TRHDE: variants seen among roughly 807,000 people sequenced by gnomAD.
TRHDE encodes the protein thyrotropin-releasing hormone-degrading ectoenzyme.
Under a neutral mutation model 125.7 loss-of-function variants are expected in TRHDE, and 72 were observed. The observed-to-expected ratio is 0.57, with a 90% CI of 0.47 to 0.70. TRHDE has a LOEUF of 0.70. Ranked by LOEUF, TRHDE falls within the 30% of genes least tolerant of loss-of-function variation. TRHDE has a pLI of 0.00. For missense variants in TRHDE, 1,110 were observed against 1,327.1 expected, an observed-to-expected ratio of 0.84 and a Z score of 2.54; for synonymous variants, 509 against 509.1, an observed-to-expected ratio of 1.00 and a Z score of 0.00.
chr12:72,333,132 G>A (rs903660628), intron 2 of TRHDE, among the ~76,000 whole-genome samples: 1 of 152,218 alleles, frequency 6.6e-6, no homozygotes, highest in African/African-American at 2.4e-5. Context: ...CAGTAATGGG[G>A]AGTGCACTCA....
At chr12:72,427,286 G>A (rs1381576902) in intron 3 of TRHDE, among the ~76,000 whole-genome samples, 6 of 151,968 alleles carry the variant, frequency 3.9e-5, no homozygotes, top group Admixed American at 1.3e-4. Context: ...GATCTACAAG[G>A]GGCCCTGATT....
At position 72,273,389 on chromosome 12, in the gene TRHDE, C is replaced by G; in HGVS notation, c.746C>G (p.Pro249Arg). Residue 249 changes from proline to arginine, a missense_variant, in exon 1 of 19, where the codon CCT becomes CGT. Transcript: ENST00000261180. This position sits in a 1 kb window ranked among gnomAD's most constrained non-coding sequence, Gnocchi z 5.3. ...LAEDRAFGAV[P>R]VAGFFLYPQT... is the part of the protein sequence containing the mutation. ...GAGGACCGGGCGTTCGGGGCTGTCC[C>G]TGTAGCCGGTTTTTTCCTCTACCCG... The G allele has an allele frequency of 2.5e-6, 4 of 1,614,194 alleles. No individual in the cohort carries two copies. Among genetic ancestry groups the G allele is most frequent in the Non-Finnish European group, 3.4e-6 (4 of 1,180,038 alleles).
At chr12:72,281,181 G>A (rs1039770838) in intron 1 of TRHDE, among the ~76,000 whole-genome samples, 1 of 151,846 alleles carries the variant, frequency 6.6e-6, no homozygotes, top group African/African-American at 2.4e-5. Context: ...TACTCCAATG[G>A]TTATTTAAAA....
chr12:72,459,492 C>A (rs1876022921), intron 3 of TRHDE, among the ~76,000 whole-genome samples: 1 of 152,086 alleles, frequency 6.6e-6, no homozygotes, highest in Admixed American at 6.6e-5. Flanking sequence ...TAAGGTTTTA[C>A]CTTATCCTAC....
chr12:72,226,673 A>G (rs886745748), intron 2 of TRHDE, among the ~76,000 whole-genome samples: 5 of 152,220 alleles, frequency 3.3e-5, no homozygotes, highest in Non-Finnish European at 7.3e-5. Context: ...AATACACTAA[A>G]GTGATAAATA....
At chr12:72,554,209 TGAA>T (rs1420711604) in intron 7 of TRHDE, among the ~76,000 whole-genome samples, 10 of 152,292 alleles carry the variant, frequency 6.6e-5, no homozygotes, top group Admixed American at 6.5e-4. Flanking sequence ...GAGGGAAGAT[TGAA>T]GAAGACTTTT....
At chr12:72,384,059 T>A (rs180836327) in intron 3 of TRHDE, among the ~76,000 whole-genome samples, 25 of 152,320 alleles carry the variant, frequency 1.6e-4, no homozygotes, top group Admixed American at 1.6e-3. Context: ...CCTGAAGACA[T>A]GTGAGTATTG....
chr12:72,408,343 T>C (rs1873352584), intron 3 of TRHDE, among the ~76,000 whole-genome samples: 2 of 152,218 alleles, frequency 1.3e-5, no homozygotes, highest in Admixed American at 6.5e-5. Flanking sequence ...ACCTGGCTTT[T>C]GTGATTATTA....
intron 3 of TRHDE, among the ~76,000 whole-genome samples, chr12:72,380,080 C>T (rs1385613066): frequency 6.6e-6 from 1 of 152,126 alleles, no homozygotes; most frequent in East Asian, 1.9e-4. Context: ...TTAGTATTTG[C>T]TGGTGATGCA....
At chr12:72,425,739 T>A (rs1026998035) in intron 3 of TRHDE, among the ~76,000 whole-genome samples, 1 of 152,054 alleles carries the variant, frequency 6.6e-6, no homozygotes, top group African/African-American at 2.4e-5. Flanking sequence ...ATACTGCCTC[T>A]TATTATTGGT....
chr12:72,156,988 G>C (rs2139325704), intron 2 of TRHDE, among the ~76,000 whole-genome samples: 1 of 152,288 alleles, frequency 6.6e-6, no homozygotes, highest in East Asian at 1.9e-4. Context: ...CTAGGGTGAT[G>C]GAAGGCCTGT....
intron 9 of TRHDE, among the ~76,000 whole-genome samples, chr12:72,567,772 T>TAGTC (rs1189250954): frequency 6.6e-6 from 1 of 152,114 alleles, no homozygotes; most frequent in Non-Finnish European, 1.5e-5. Flanking sequence ...GAAACAAATA[T>TAGTC]AGTCATTGGA....
intron 2 of TRHDE, among the ~76,000 whole-genome samples, chr12:72,294,809 C>T (rs1880225249): frequency 6.6e-6 from 1 of 152,062 alleles, no homozygotes; most frequent in South Asian, 2.1e-4. Context: ...CCCTCAGCTC[C>T]ACCTTGGCTT....
chr12:72,253,191 G>A (rs577989093), intron 2 of TRHDE, among the ~76,000 whole-genome samples: 1 of 152,048 alleles, frequency 6.6e-6, no homozygotes, highest in South Asian at 2.1e-4. Context: ...AAATGACATT[G>A]GTTTTCATCT....
chr12:72,125,346 T>C (rs1162126180), intron 2 of TRHDE, among the ~76,000 whole-genome samples: 1 of 152,166 alleles, frequency 6.6e-6, no homozygotes, highest in Admixed American at 6.6e-5. Context: ...TGCTTTCTTA[T>C]GGTTGTTTCC....
At chr12:72,187,363 G>A (rs1276271262) in intron 2 of TRHDE, among the ~76,000 whole-genome samples, 3 of 82,442 alleles carry the variant, frequency 3.6e-5, no homozygotes, top group Admixed American at 2.2e-4. Flanking sequence ...ACACACACAC[G>A]AAGTCTCTAT....
At chr12:72,346,485 G>A (rs1456241957) in intron 2 of TRHDE, among the ~76,000 whole-genome samples, 1 of 6,188 alleles carries the variant, frequency 1.6e-4, no homozygotes, top group Non-Finnish European at 3.3e-4. Flanking sequence ...TGTGTTAACT[G>A]TTCCCGAGGA....
chr12:72,617,077 A>C (rs1565811584), intron 12 of TRHDE, among the ~76,000 whole-genome samples: 1 of 152,158 alleles, frequency 6.6e-6, no homozygotes, highest in Non-Finnish European at 1.5e-5. Flanking sequence ...GGCTTATTTA[A>C]TTATTGTTGC....
intron 2 of TRHDE, among the ~76,000 whole-genome samples, chr12:72,308,911 C>A (rs940005637): frequency 6.6e-6 from 1 of 152,056 alleles, no homozygotes; most frequent in South Asian, 2.1e-4. Flanking sequence ...CTGACTTCAC[C>A]TTTTGATAAC....
Sources: allele counts gnomAD v4.1 joint callset (sites outside exome capture counted in the v4.1 genomes callset), GRCh38; gene constraint gnomAD v4.1.1; non-coding constraint Gnocchi (gnomAD v3.1); transcripts MANE v1.5; gene names NCBI Gene and HGNC (gene_info 2026-07-23, HGNC 2026-07-21).